Variants in SLC2A13 observed in about 807,000 individuals in gnomAD.
SLC2A13 encodes solute carrier family 2 member 13.
A neutral mutation model predicts 64.4 loss-of-function variants in SLC2A13; 32 were observed. The observed-to-expected ratio is 0.50, with a 90% CI of 0.37 to 0.67. The LOEUF (loss-of-function observed/expected upper bound fraction) is 0.67, where lower values mean the gene tolerates loss of function less well. Ranked by LOEUF, SLC2A13 falls within the 30% of genes least tolerant of loss-of-function variation. The pLI is 0.00. For synonymous variants in SLC2A13, 338 were observed against 327.1 expected, an observed-to-expected ratio of 1.03 and a Z score of -0.36; for missense variants, 743 against 829.2, an observed-to-expected ratio of 0.90 and a Z score of 1.28.
intron 4 of SLC2A13, among the ~76,000 whole-genome samples, chr12:39,945,494 T>C (rs1946117726): frequency 6.6e-6 from 1 of 152,114 alleles, no homozygotes; most frequent in South Asian, 2.1e-4. Context: ...CGATTATTCT[T>C]AGGTTTGGTC....
chr12:40,048,269 A>C, intron 1 of SLC2A13, 59 bp from the exon 2 acceptor site: 1 of 1,516,514 alleles, frequency 6.6e-7, no homozygotes, highest in Non-Finnish European at 8.9e-7. Context: ...GTTGCAATAA[A>C]TACTAATGCT....
chr12:39,941,429 C>T (rs1946023671), intron 4 of SLC2A13, among the ~76,000 whole-genome samples: 1 of 152,184 alleles, frequency 6.6e-6, no homozygotes, highest in African/African-American at 2.4e-5. Flanking sequence ...TCCATGCCAA[C>T]ATCCACTGTT....
chr12:39,829,816 C>A, intron 7 of SLC2A13: 1 of 368,460 alleles, frequency 2.7e-6, no homozygotes, highest in Non-Finnish European at 5.1e-6. Context: ...GGAGAAATTG[C>A]CTTGGCAGTA....
intron 7 of SLC2A13, among the ~76,000 whole-genome samples, chr12:39,823,796 G>A (rs1296404415): frequency 6.6e-6 from 1 of 152,068 alleles, no homozygotes; most frequent in Non-Finnish European, 1.5e-5. Context: ...ATGGCTCCAA[G>A]CAATATTTTT....
At position 40,086,286 on chromosome 12, in the gene SLC2A13, C is replaced by T. The variant is rs1049796663; in HGVS notation, c.556+18967G>A. ...GGTATTTTTTTTTAATCCCACTACT[C>T]CCCACCTGATATCACCTCTCTGAAT... is the stretch of plus-strand genomic sequence containing the variant. On this transcript the variant is annotated intron_variant, in intron 1 of 9. Transcript: ENST00000280871. Among the ~76,000 whole-genome samples the T allele has an allele frequency of 5.3e-5, 8 of 152,170 alleles. No homozygotes were observed. The South Asian group carries it at 1.7e-3, about 32-fold the overall frequency.
chr12:39,771,566 G>T (rs73102537), intron 7 of SLC2A13, among the ~76,000 whole-genome samples: 2,350 of 152,232 alleles, frequency 0.015, 55 homozygotes, highest in African/African-American at 0.051. Context: ...TCCAGTCTGT[G>T]CATTGATTGT....
At chr12:40,036,797 T>G (rs1055621997) in intron 2 of SLC2A13, among the ~76,000 whole-genome samples, 4 of 152,184 alleles carry the variant, frequency 2.6e-5, no homozygotes, top group African/African-American at 9.6e-5. Context: ...ACTTTTCTGG[T>G]TGAATGAATG....
intron 1 of SLC2A13, among the ~76,000 whole-genome samples, chr12:40,084,264 G>C (rs1938518829): frequency 6.6e-6 from 1 of 152,114 alleles, no homozygotes; most frequent in Non-Finnish European, 1.5e-5. Flanking sequence ...CTGCCACCAG[G>C]CTCTCAAGTA....
At chr12:40,075,334 T>C (rs1474316595) in intron 1 of SLC2A13, among the ~76,000 whole-genome samples, 1 of 152,208 alleles carries the variant, frequency 6.6e-6, no homozygotes, top group Non-Finnish European at 1.5e-5. Flanking sequence ...ATGTTTCCCA[T>C]GGAAGACTTT....
At chr12:40,002,966 T>C (rs777843461) in intron 3 of SLC2A13, among the ~76,000 whole-genome samples, 1 of 152,174 alleles carries the variant, frequency 6.6e-6, no homozygotes, top group African/African-American at 2.4e-5. Flanking sequence ...ATAATTTACA[T>C]CCATGATTTG....
chr12:39,827,063 T>C (rs535685934), intron 7 of SLC2A13, among the ~76,000 whole-genome samples: 2 of 151,736 alleles, frequency 1.3e-5, no homozygotes, highest in South Asian at 4.2e-4. Context: ...TCTCTGACTG[T>C]CCTCCTGTAT....
chr12:39,819,495 TAA>T (rs34475561), intron 7 of SLC2A13, among the ~76,000 whole-genome samples: 1 of 152,188 alleles, frequency 6.6e-6, no homozygotes, highest in Non-Finnish European at 1.5e-5. Context: ...TTGATGTTCC[TAA>T]AAGCCCGGGC....
chr12:39,958,054 T>C (rs1946347266), intron 3 of SLC2A13, among the ~76,000 whole-genome samples: 1 of 152,206 alleles, frequency 6.6e-6, no homozygotes, highest in Non-Finnish European at 1.5e-5. Context: ...TCCTCATTTC[T>C]CACCCCAAAC....
chr12:40,049,977 T>C (rs17442157), intron 1 of SLC2A13, among the ~76,000 whole-genome samples: 10,688 of 152,228 alleles, frequency 0.07, 702 homozygotes, highest in East Asian at 0.38. Context: ...CATGTGCTAA[T>C]AGACACAGTA....
chr12:40,100,134 G>C (rs1939095783), intron 1 of SLC2A13, among the ~76,000 whole-genome samples: 1 of 152,112 alleles, frequency 6.6e-6, no homozygotes. Context: ...TTACTCAACA[G>C]GCCATAATAT....
chr12:40,037,973 C>A (rs1252649323), intron 2 of SLC2A13, among the ~76,000 whole-genome samples: 1 of 152,106 alleles, frequency 6.6e-6, no homozygotes, highest in Admixed American at 6.5e-5. Flanking sequence ...TTTGATTAAT[C>A]TTTTCAAAGA....
chr12:39,979,114 T>C (rs1195185129), intron 3 of SLC2A13, among the ~76,000 whole-genome samples: 1 of 151,718 alleles, frequency 6.6e-6, no homozygotes, highest in Non-Finnish European at 1.5e-5. Context: ...CTGAGGGTCC[T>C]GTCTGTTAGA....
At chr12:40,031,775 A>C (rs1206596321) in intron 2 of SLC2A13, among the ~76,000 whole-genome samples, 2 of 152,160 alleles carry the variant, frequency 1.3e-5, no homozygotes, top group Non-Finnish European at 2.9e-5. Flanking sequence ...CAGACTGGAG[A>C]ATAGGAAAGA....
intron 7 of SLC2A13, among the ~76,000 whole-genome samples, chr12:39,777,663 G>A (rs149111835): frequency 3.3e-5 from 5 of 152,224 alleles, no homozygotes; most frequent in African/African-American, 9.6e-5. Flanking sequence ...GCTGGATGTC[G>A]AGAGAAGCAC....
Sources: gnomAD v4.1 joint callset for allele counts (sites outside exome capture counted in the v4.1 genomes callset) on GRCh38, gnomAD v4.1.1 for gene constraint, MANE v1.5 for transcripts, NCBI Gene and HGNC (gene_info 2026-07-23, HGNC 2026-07-21) for gene names.